The following CNTNAP2 variants were observed in gnomAD, a reference collection of about 807,000 sequenced individuals.
CNTNAP2 encodes the protein contactin-associated protein-like 2.
A neutral mutation model predicts 155.2 loss-of-function variants in CNTNAP2; 98 were observed. The ratio of observed to expected loss-of-function variants is 0.63; its 90% CI spans 0.54 to 0.75. The LOEUF is 0.75. CNTNAP2 is among the 30% of genes least tolerant of loss of function. The pLI, the probability that CNTNAP2 is intolerant of heterozygous loss-of-function variation, is 0.00. For missense variants in CNTNAP2, 1,727 were observed against 1,688.1 expected (o/e 1.02, Z -0.40); for synonymous variants, 651 against 631.2 (o/e 1.03, Z -0.47).
chr7:146,261,099 C>T (rs952580966), intron 1 of CNTNAP2, among the ~76,000 whole-genome samples: 1 of 152,068 alleles, frequency 6.6e-6, no homozygotes, highest in Non-Finnish European at 1.5e-5. Context: ...CTCCTGCCAC[C>T]ATGTCAGACG....
At chr7:146,565,201 G>A (rs1445395539) in intron 1 of CNTNAP2, among the ~76,000 whole-genome samples, 5 of 151,922 alleles carry the variant, frequency 3.3e-5, no homozygotes, top group Non-Finnish European at 7.4e-5. Flanking sequence ...CAAGGTTTCT[G>A]AGAGGTACAG....
chr7:147,052,682 GTTATGTATATGGA>G (rs1799493999), intron 4 of CNTNAP2, among the ~76,000 whole-genome samples: 2 of 151,572 alleles, frequency 1.3e-5, no homozygotes, highest in African/African-American at 2.4e-5. Flanking sequence ...TGCTTCATGG[GTTATGTATATGGA>G]TTGCTTATCA....
chr7:146,785,628 C>G (rs75122184), intron 2 of CNTNAP2, among the ~76,000 whole-genome samples: 1 of 152,170 alleles, frequency 6.6e-6, no homozygotes, highest in Non-Finnish European at 1.5e-5. Context: ...TGGTCACTGT[C>G]GTAGCCAATT....
chr7:147,477,762 A>G (rs915746812), intron 10 of CNTNAP2, among the ~76,000 whole-genome samples: 2 of 152,182 alleles, frequency 1.3e-5, no homozygotes, highest in African/African-American at 4.8e-5. Flanking sequence ...TGGACTGTAT[A>G]TCATCACACA....
At chr7:148,388,045 C>T (rs1360832408) in intron 22 of CNTNAP2, among the ~76,000 whole-genome samples, 1 of 152,156 alleles carries the variant, frequency 6.6e-6, no homozygotes, top group Non-Finnish European at 1.5e-5. Flanking sequence ...ATGAATGATC[C>T]ACCCCTTGTT....
At chr7:147,588,793 G>A (rs1414777595) in intron 12 of CNTNAP2, among the ~76,000 whole-genome samples, 2 of 152,166 alleles carry the variant, frequency 1.3e-5, no homozygotes, top group African/African-American at 4.8e-5. Flanking sequence ...CACAACAAGT[G>A]CTGGTAAGCA....
At chr7:147,198,166 G>A (rs1404257729) in intron 8 of CNTNAP2, among the ~76,000 whole-genome samples, 1 of 150,634 alleles carries the variant, frequency 6.6e-6, no homozygotes, top group Admixed American at 6.6e-5. Flanking sequence ...TGTTAACACT[G>A]CCTAAAGAAA....
At chr7:147,736,569 G>T (rs1486018559) in intron 13 of CNTNAP2, among the ~76,000 whole-genome samples, 2 of 152,160 alleles carry the variant, frequency 1.3e-5, no homozygotes, top group Non-Finnish European at 1.5e-5. Flanking sequence ...ATGTTGACCT[G>T]CTTTGCTAGA....
chr7:146,235,285 T>C (rs1430289814), intron 1 of CNTNAP2, among the ~76,000 whole-genome samples: 2 of 151,878 alleles, frequency 1.3e-5, no homozygotes, highest in African/African-American at 4.8e-5. Flanking sequence ...TGGAGTTCCT[T>C]TTCTGAGGTC....
chr7:148,350,108 T>G (rs140291001), intron 21 of CNTNAP2, among the ~76,000 whole-genome samples: 3 of 152,108 alleles, frequency 2.0e-5, no homozygotes, highest in East Asian at 3.9e-4. Context: ...AGTGGAGAGA[T>G]ATGGTGGCTT....
At chr7:147,182,276 G>T (rs1407015110) in intron 8 of CNTNAP2, among the ~76,000 whole-genome samples, 1 of 151,886 alleles carries the variant, frequency 6.6e-6, no homozygotes, top group South Asian at 2.1e-4. Context: ...TTATTAATAA[G>T]AAAATAATCA....
At chr7:148,031,676 G>T (rs905872655) in intron 15 of CNTNAP2, among the ~76,000 whole-genome samples, 8 of 152,148 alleles carry the variant, frequency 5.3e-5, no homozygotes, top group African/African-American at 1.9e-4. Flanking sequence ...CAGTGGTGTT[G>T]CCCAGGGGAA....
chr7:147,693,162 AC>A (rs1397818451), intron 13 of CNTNAP2, among the ~76,000 whole-genome samples: 1 of 152,014 alleles, frequency 6.6e-6, no homozygotes, highest in Non-Finnish European at 1.5e-5. Context: ...GGCTATATTT[AC>A]ACAGATGTAT....
chr7:146,585,555 A>G (rs191638209), intron 1 of CNTNAP2, among the ~76,000 whole-genome samples: 50 of 152,302 alleles, frequency 3.3e-4, no homozygotes, highest in Non-Finnish European at 4.0e-4. Flanking sequence ...AAGATAAACT[A>G]ATTTCCTATA....
In CNTNAP2 at chr7:146,421,707, G is replaced by A. The variant is rs184164348; in HGVS notation, c.97+304734G>A. 1.4e-3 allele frequency among the ~76,000 whole-genome samples: 220 copies of A among 152,000 alleles called. 1 individual carries two copies. The highest frequency in any genetic ancestry group is 0.014 in the East Asian group (71 of 5,176). On this transcript the variant is annotated intron_variant, in intron 1 of 23. Coordinates refer to ENST00000361727, the MANE Select transcript of CNTNAP2 (RefSeq NM_014141.6). ...CACATTTATTACAATATAGATGAAAGTGAATATGCTAGAACCATAGAAGAT... is the reference window on the plus strand; with the variant it reads ...CACATTTATTACAATATAGATGAAAATGAATATGCTAGAACCATAGAAGAT...
At chr7:146,968,919 A>G (rs1345546081) in intron 3 of CNTNAP2, among the ~76,000 whole-genome samples, 2 of 144,198 alleles carry the variant, frequency 1.4e-5, no homozygotes, top group Non-Finnish European at 3.0e-5. Context: ...TCAATTTTGG[A>G]TCTTTCCTGC....
At chr7:147,944,592 ATTTT>A in intron 14 of CNTNAP2, among the ~76,000 whole-genome samples, 1 of 152,190 alleles carries the variant, frequency 6.6e-6, no homozygotes, top group East Asian at 1.9e-4. Context: ...TTTCGCCAGT[ATTTT>A]TACAGTCAAC....
At chr7:147,342,141 G>A (rs1795776685) in intron 9 of CNTNAP2, among the ~76,000 whole-genome samples, 1 of 152,136 alleles carries the variant, frequency 6.6e-6, no homozygotes, top group East Asian at 1.9e-4. Flanking sequence ...CTGCCATGAA[G>A]GCTACACTCT....
intron 1 of CNTNAP2, among the ~76,000 whole-genome samples, chr7:146,623,968 C>A (rs933366485): frequency 6.6e-6 from 1 of 151,776 alleles, no homozygotes; most frequent in African/African-American, 2.4e-5. Flanking sequence ...TTCCGTAGTG[C>A]CACCACATAG....
Sources: allele counts gnomAD v4.1 joint callset (sites outside exome capture counted in the v4.1 genomes callset), GRCh38; gene constraint gnomAD v4.1.1; transcripts MANE v1.5; gene names NCBI Gene and HGNC (gene_info 2026-07-23, HGNC 2026-07-21).